EDARADD: variants seen among roughly 807,000 people sequenced by gnomAD.
The protein encoded by EDARADD is ectodysplasin-A receptor-associated adapter protein.
EDARADD carries 20 observed loss-of-function variants against 25.6 expected under a neutral mutation model. The observed-to-expected ratio is 0.78, with a 90% CI of 0.55 to 1.14. The LOEUF is 1.14. Among genes scored for constraint, EDARADD ranks in the 50% most tolerant of loss-of-function variants. The pLI is 0.00. For missense variants in EDARADD, 225 were observed against 270.1 expected, an observed-to-expected ratio of 0.83 and a Z score of 1.17; for synonymous variants, 86 against 94.4, an observed-to-expected ratio of 0.91 and a Z score of 0.52.
chr1:236,417,585 C>T (rs74454464), intron 3 of EDARADD, among the ~76,000 whole-genome samples: 4,704 of 152,190 alleles, frequency 0.031, 219 homozygotes, highest in African/African-American at 0.11. Flanking sequence ...TTTGGGGGTT[C>T]ATTTGGTTTG....
chr1:236,370,918 T>G (rs1055066987), intron 3 of EDARADD, among the ~76,000 whole-genome samples: 5 of 152,220 alleles, frequency 3.3e-5, no homozygotes, highest in Admixed American at 6.5e-5. Flanking sequence ...TAAGTTTCTT[T>G]CAAAGTTAGT....
chr1:236,482,474 A>G lies in EDARADD; in HGVS notation c.473A>G (p.Gln158Arg). ...TATGACGAATTGTGCTTCCTGGAGCAGAGGCCACAGAGCCCCACCTTGGAG... is the reference window on the plus strand; with the variant it reads ...TATGACGAATTGTGCTTCCTGGAGCGGAGGCCACAGAGCCCCACCTTGGAG... The part of the protein sequence containing the change: ...MSYDELCFLE[Q>R]RPQSPTLEFL... Residue 158 changes from glutamine (Q) to arginine (R), a missense_variant, in exon 6 of 6, where the codon CAG (glutamine) becomes CGG (arginine). By Grantham distance (43) the Gln-to-Arg change is conservative. Transcript: ENST00000334232. 1 of 1,614,020 alleles carries G rather than the reference A, an allele frequency of 6.2e-7. No homozygotes were observed. Among genetic ancestry groups the G allele is most frequent in the Non-Finnish European group, 8.5e-7 (1 of 1,179,934 alleles).
Position 236,468,284 on chromosome 1 carries a change from A to T in EDARADD, c.265+8A>T. ...CTGGAGATCCTCTTCCAGGTAAATG[A>T]TTGATTCTAAAGCTATCTGGGCTAA... On this transcript the variant is annotated splice_region_variant and intron_variant, in intron 5 of 5. Coordinates refer to ENST00000334232, the MANE Select transcript of EDARADD (RefSeq NM_145861.4). 1 of 1,613,854 alleles carries T rather than the reference A, an allele frequency of 6.2e-7. No homozygotes were observed. Among genetic ancestry groups the T allele is most frequent in the Non-Finnish European group, 8.5e-7 (1 of 1,179,772 alleles).
chr1:236,481,778 C>CAAAAA lies in EDARADD; in HGVS notation c.266-475_266-471dup, dbSNP rs36104533. Reference sequence around the variant, plus strand: ...TGGGCAACAGAGTGACACCCTGTATCAAAAAAAAAAAAAAAAAAGAACAGT... The same window carrying CAAAAA: ...TGGGCAACAGAGTGACACCCTGTATCAAAAAAAAAAAAAAAAAAAAAAAGAACAGT... On this transcript the variant is annotated intron_variant, in intron 5 of 5. Transcript: ENST00000334232. Among the ~76,000 whole-genome samples the CAAAAA allele has an allele frequency of 1.9e-3, 180 of 93,288 alleles. 1 individual carries two copies. Among genetic ancestry groups the CAAAAA allele is most frequent in the African/African-American group, 7.6e-3 (169 of 22,182 alleles). 61.2% of individuals were successfully genotyped at this position (93,288 alleles called of 152,430 possible). A position where few individuals can be genotyped will look rare whatever the true frequency, so the allele number is the denominator to read the frequency against.
intron 3 of EDARADD, among the ~76,000 whole-genome samples, chr1:236,374,495 C>G (rs1667203410): frequency 6.6e-6 from 1 of 152,106 alleles, no homozygotes; most frequent in Non-Finnish European, 1.5e-5. Flanking sequence ...TCTCAAACTC[C>G]TGGGCTCGAG....
chr1:236,356,944 C>T (rs1405130869), intron 3 of EDARADD, among the ~76,000 whole-genome samples: 1 of 151,940 alleles, frequency 6.6e-6, no homozygotes, highest in Non-Finnish European at 1.5e-5. Context: ...ATTAGCCGGG[C>T]ATGGTGGTGC....
At chr1:236,469,488 AAATAATAAT>A (rs373192177) in intron 5 of EDARADD, among the ~76,000 whole-genome samples, 1 of 151,738 alleles carries the variant, frequency 6.6e-6, no homozygotes, top group Non-Finnish European at 1.5e-5. Context: ...AATGCTAGCA[AAATAATAAT>A]AATAATAATA....
intron 3 of EDARADD, among the ~76,000 whole-genome samples, chr1:236,384,789 C>CA (rs1391752781): frequency 6.6e-6 from 1 of 152,106 alleles, no homozygotes; most frequent in Non-Finnish European, 1.5e-5. Context: ...CTGGACCTTC[C>CA]AAAGCTCCTG....
chr1:236,451,786 C>T (rs1052947847), intron 4 of EDARADD, among the ~76,000 whole-genome samples: 12 of 152,114 alleles, frequency 7.9e-5, no homozygotes, highest in African/African-American at 2.9e-4. Flanking sequence ...TAAAGTTAGG[C>T]GGTTGGACCT....
At chr1:236,378,287 G>A (rs1667249832) in intron 3 of EDARADD, among the ~76,000 whole-genome samples, 1 of 152,220 alleles carries the variant, frequency 6.6e-6, no homozygotes, top group South Asian at 2.1e-4. Flanking sequence ...AACACAAGGG[G>A]ATTTTTCTCC....
chr1:236,392,939 G>A (rs149045376), upstream of EDARADD, among the ~76,000 whole-genome samples: 657 of 152,152 alleles, frequency 4.3e-3, 7 homozygotes, highest in African/African-American at 0.015. Context: ...CAAAGTGCTG[G>A]GATCCAGCTA....
intron 2 of EDARADD, among the ~76,000 whole-genome samples, chr1:236,411,076 G>A (rs1657460703): frequency 6.6e-6 from 1 of 152,002 alleles, no homozygotes; most frequent in Non-Finnish European, 1.5e-5. Context: ...GTTCTCCCTG[G>A]TATCCTGCTT....
chr1:236,371,643 C>T (rs957060488), intron 3 of EDARADD, among the ~76,000 whole-genome samples: 7 of 150,868 alleles, frequency 4.6e-5, no homozygotes, highest in Admixed American at 4.0e-4. Flanking sequence ...GATCTCGGCT[C>T]ACTGCAACCT....
At chr1:236,474,207 C>T (rs1659444953) in intron 5 of EDARADD, among the ~76,000 whole-genome samples, 1 of 152,130 alleles carries the variant, frequency 6.6e-6, no homozygotes, top group Non-Finnish European at 1.5e-5. Context: ...GGCTACCATA[C>T]ATTAGGCACA....
intron 3 of EDARADD, among the ~76,000 whole-genome samples, chr1:236,358,129 C>T (rs1365824377): frequency 6.6e-6 from 1 of 152,174 alleles, no homozygotes; most frequent in Non-Finnish European, 1.5e-5. Context: ...ACTTCACCTC[C>T]CAAAGTGCTA....
intron 3 of EDARADD, among the ~76,000 whole-genome samples, chr1:236,382,544 A>G (rs2102996376): frequency 6.6e-6 from 1 of 152,150 alleles, no homozygotes; most frequent in Non-Finnish European, 1.5e-5. Flanking sequence ...GATGTTATGA[A>G]TTCACTTCAT....
intron 5 of EDARADD, 26 bp from the exon 6 acceptor site, chr1:236,482,241 G>A (rs1317026266): frequency 2.5e-6 from 4 of 1,614,088 alleles, no homozygotes; most frequent in East Asian, 4.5e-5. Context: ...TTGTTGACCT[G>A]TGGACTAAAT....
chr1:236,476,653 G>A (rs537021665), intron 5 of EDARADD, among the ~76,000 whole-genome samples: 69 of 151,992 alleles, frequency 4.5e-4, no homozygotes, highest in African/African-American at 1.5e-3. Context: ...AGCCTCCCAA[G>A]TAGCTGGGAT....
intron 3 of EDARADD, among the ~76,000 whole-genome samples, chr1:236,425,042 G>T (rs956925616): frequency 6.6e-6 from 1 of 152,126 alleles, no homozygotes; most frequent in African/African-American, 2.4e-5. Flanking sequence ...GGCCCCCGTC[G>T]CAGGCAGCCA....
Sources: gnomAD v4.1 joint callset for allele counts (sites outside exome capture counted in the v4.1 genomes callset) on GRCh38, gnomAD v4.1.1 for gene constraint, MANE v1.5 for transcripts, NCBI Gene and HGNC (gene_info 2026-07-23, HGNC 2026-07-21) for gene names.